BFSP2: variants seen among roughly 807,000 people sequenced by gnomAD.
The protein encoded by BFSP2 is beaded filament structural protein 2.
A neutral mutation model predicts 44.9 loss-of-function variants in BFSP2; 38 were observed. That is an observed-to-expected ratio of 0.85 (90% CI 0.65 to 1.11). BFSP2 has a LOEUF of 1.11. Among genes scored for constraint, BFSP2 ranks in the 50% least tolerant of loss-of-function variants. The pLI is 0.00. For synonymous variants in BFSP2, 197 were observed against 209.9 expected (o/e 0.94, Z 0.53); for missense variants, 525 against 533.0 (o/e 0.99, Z 0.15).
At chr3:133,474,178 T>TA (rs1347175973) in intron 6 of BFSP2, among the ~76,000 whole-genome samples, 1 of 152,186 alleles carries the variant, frequency 6.6e-6, no homozygotes, top group African/African-American at 2.4e-5. Context: ...CCCAGGCCCT[T>TA]ATTTTGTATC....
At chr3:133,428,281 C>T (rs1327480335) in intron 1 of BFSP2, among the ~76,000 whole-genome samples, 3 of 151,898 alleles carry the variant, frequency 2.0e-5, no homozygotes, top group Admixed American at 6.5e-5. Context: ...AGGCAGGACA[C>T]AGAGGGAAGA....
chr3:133,438,301 C>A (rs759145068), intron 1 of BFSP2, among the ~76,000 whole-genome samples: 1 of 152,156 alleles, frequency 6.6e-6, no homozygotes, highest in Non-Finnish European at 1.5e-5. Context: ...CCAAGGCAGG[C>A]GGATCACCTG....
At position 133,472,580 on chromosome 3, in the gene BFSP2, C is replaced by T. The variant is rs760576969; in HGVS notation, c.1244+15C>T. ...GAGGAGAGCGGGTAAGCCTCGCTTC[C>T]GCGTCAATTATCCAAGAGATGCATA... On this transcript the variant is annotated intron_variant, in intron 6 of 6. Transcript: ENST00000302334. 1 of 1,608,770 alleles carries T rather than the reference C, an allele frequency of 6.2e-7. No individual in the cohort carries two copies. The highest frequency in any genetic ancestry group is 2.2e-5 in the East Asian group (1 of 44,798).
intron 1 of BFSP2, among the ~76,000 whole-genome samples, chr3:133,416,539 A>C (rs1576563123): frequency 4.6e-5 from 5 of 107,634 alleles, no homozygotes; most frequent in East Asian, 5.9e-4. Context: ...CCCTCTACTC[A>C]TCCCTCTATA....
intron 1 of BFSP2, among the ~76,000 whole-genome samples, chr3:133,415,419 C>G (rs1178770918): frequency 7.5e-6 from 1 of 132,926 alleles, no homozygotes; most frequent in Non-Finnish European, 1.6e-5. Flanking sequence ...CCTGTCCTCT[C>G]CCCTCTACTC....
intron 1 of BFSP2, among the ~76,000 whole-genome samples, chr3:133,413,861 C>G (rs1302358664): frequency 6.6e-6 from 1 of 151,936 alleles, no homozygotes; most frequent in Non-Finnish European, 1.5e-5. Flanking sequence ...TCTAAATAAG[C>G]GCTAACTAAA....
In BFSP2 at chr3:133,472,329, GT is replaced by G. The variant is rs2074170018; in HGVS notation, c.1024-14del. On this transcript the variant is annotated splice_polypyrimidine_tract_variant and intron_variant, in intron 5 of 6. Transcript: ENST00000302334. Reference sequence around the variant, plus strand: ...CCTGTTGTCCTCGGGTTTGGACCGGGTTCGCTCTTTTGTAGAAACGAGGCCT... The same window carrying G: ...CCTGTTGTCCTCGGGTTTGGACCGGGTCGCTCTTTTGTAGAAACGAGGCCT... 2.5e-6 allele frequency: 4 copies of G among 1,604,392 alleles called. No homozygotes were observed. Among genetic ancestry groups the G allele is most frequent in the Non-Finnish European group, 1.7e-6 (2 of 1,178,566 alleles).
rs186324705 is a variant in BFSP2 at position 133,433,266 on chromosome 3, T to C, written c.490-14051T>C. Among the ~76,000 whole-genome samples, 44 of 152,316 alleles carry C rather than the reference T, an allele frequency of 2.9e-4. No individual in the cohort carries two copies. The East Asian group carries it at 7.7e-3, about 27-fold the overall frequency. On this transcript the variant is annotated intron_variant, in intron 1 of 6. Coordinates refer to ENST00000302334, the MANE Select transcript of BFSP2 (RefSeq NM_003571.4). ...CCTCACCCTGATCACACTTAGTTTT[T>C]TGATGGCAGTTCCACCAGGCCTAAT...
intron 1 of BFSP2, among the ~76,000 whole-genome samples, chr3:133,405,050 C>T (rs2073393185): frequency 6.6e-6 from 1 of 152,186 alleles, no homozygotes; most frequent in Non-Finnish European, 1.5e-5. Context: ...TCAAATAGGC[C>T]AAACACAAGC....
intron 1 of BFSP2, among the ~76,000 whole-genome samples, chr3:133,422,025 T>C (rs936300129): frequency 6.9e-6 from 1 of 144,070 alleles, no homozygotes; most frequent in African/African-American, 2.6e-5. Context: ...GAAAATTGCT[T>C]GAAACCGGGA....
chr3:133,406,338 CAGAGGG>C (rs1220387561), intron 1 of BFSP2, among the ~76,000 whole-genome samples: 1 of 152,192 alleles, frequency 6.6e-6, no homozygotes, highest in African/African-American at 2.4e-5. Context: ...CTAAAGAAAA[CAGAGGG>C]AGACTAGGGT....
chr3:133,425,407 T>C (rs887784126), intron 1 of BFSP2, among the ~76,000 whole-genome samples: 1 of 152,178 alleles, frequency 6.6e-6, no homozygotes, highest in Non-Finnish European at 1.5e-5. Flanking sequence ...CAAATGCAGC[T>C]TTGGTTTGAT....
chr3:133,436,375 T>A (rs2073781801), intron 1 of BFSP2, among the ~76,000 whole-genome samples: 1 of 151,264 alleles, frequency 6.6e-6, no homozygotes, highest in Admixed American at 6.6e-5. Context: ...ATAATACACA[T>A]TTTTTTCCAT....
chr3:133,452,543 CAG>C (rs901872673), intron 4 of BFSP2, among the ~76,000 whole-genome samples: 25 of 152,282 alleles, frequency 1.6e-4, no homozygotes, highest in African/African-American at 5.5e-4. Flanking sequence ...CCTTTTTTAA[CAG>C]ACTCATGACA....
chr3:133,462,238 G>A (rs1012196065), intron 4 of BFSP2, among the ~76,000 whole-genome samples: 1 of 132,838 alleles, frequency 7.5e-6, no homozygotes, highest in Non-Finnish European at 1.7e-5. Context: ...TTTTAAACAC[G>A]TTTATTTGTA....
chr3:133,439,552 A>G (rs1047006937), intron 1 of BFSP2, among the ~76,000 whole-genome samples: 4 of 152,346 alleles, frequency 2.6e-5, no homozygotes, highest in Admixed American at 2.0e-4. Context: ...TACTGAGGAT[A>G]CCTAGCACAG....
intron 1 of BFSP2, among the ~76,000 whole-genome samples, chr3:133,409,329 A>G (rs1375237070): frequency 2.0e-5 from 3 of 152,122 alleles, no homozygotes; most frequent in East Asian, 3.8e-4. Flanking sequence ...GAGTGAAAGG[A>G]GATACAGTTG....
intron 5 of BFSP2, among the ~76,000 whole-genome samples, chr3:133,468,045 AG>A (rs2074128747): frequency 6.6e-6 from 1 of 152,196 alleles, no homozygotes; most frequent in Non-Finnish European, 1.5e-5. Context: ...CAGTGTTTCT[AG>A]GGGGATCCAA....
chr3:133,469,308 A>G (rs2074140806), intron 5 of BFSP2, among the ~76,000 whole-genome samples: 1 of 152,256 alleles, frequency 6.6e-6, no homozygotes, highest in South Asian at 2.1e-4. Flanking sequence ...AAGTTCATCC[A>G]GCCATTCCTG....
Sources: allele counts gnomAD v4.1 joint callset (sites outside exome capture counted in the v4.1 genomes callset), GRCh38; gene constraint gnomAD v4.1.1; transcripts MANE v1.5; gene names NCBI Gene and HGNC (gene_info 2026-07-23, HGNC 2026-07-21).